The following SVEP1 variants were observed in gnomAD, a reference collection of about 807,000 sequenced individuals.
The protein encoded by SVEP1 is sushi, von Willebrand factor type A, EGF and pentraxin domain containing 1.
Under a neutral mutation model 367.3 loss-of-function variants are expected in SVEP1, and 164 were observed. That is an observed-to-expected ratio of 0.45 (90% CI 0.39 to 0.51). SVEP1 has a LOEUF of 0.51. Among genes scored for constraint, SVEP1 ranks in the 20% least tolerant of loss-of-function variants. SVEP1 has a pLI of 0.00. For synonymous variants in SVEP1, 1,666 were observed against 1,611.6 expected, an observed-to-expected ratio of 1.03 and a Z score of -0.81; for missense variants, 4,117 against 4,425.3, an observed-to-expected ratio of 0.93 and a Z score of 1.98.
chr9:110,387,534 G>GAT, intron 41 of SVEP1, 76 bp from the exon 42 acceptor site: 1 of 1,388,790 alleles, frequency 7.2e-7, no homozygotes, highest in East Asian at 2.4e-5. Context: ...GATTGCCAAA[G>GAT]ATATTTCATG....
intron 30 of SVEP1, among the ~76,000 whole-genome samples, chr9:110,433,188 C>A (rs1181251762): frequency 6.6e-6 from 1 of 152,282 alleles, no homozygotes; most frequent in East Asian, 1.9e-4. Context: ...GCCGGCAGAA[C>A]TGTGAGCCAA....
intron 40 of SVEP1, among the ~76,000 whole-genome samples, chr9:110,390,581 T>C (rs1383627811): frequency 6.6e-6 from 1 of 151,530 alleles, no homozygotes; most frequent in African/African-American, 2.4e-5. Flanking sequence ...GATCTTGGTC[T>C]AGCAATATAT....
intron 22 of SVEP1, among the ~76,000 whole-genome samples, chr9:110,453,966 T>C (rs960011956): frequency 1.3e-5 from 2 of 152,070 alleles, no homozygotes; most frequent in Non-Finnish European, 2.9e-5. Context: ...TGATTAGCGA[T>C]GATGAGCTTT....
intron 41 of SVEP1, among the ~76,000 whole-genome samples, chr9:110,388,614 G>A (rs1827563814): frequency 6.6e-6 from 1 of 151,742 alleles, no homozygotes; most frequent in African/African-American, 2.4e-5. Flanking sequence ...AGTTGAGTAT[G>A]CTGAGATCAC....
intron 46 of SVEP1, among the ~76,000 whole-genome samples, chr9:110,373,425 C>G (rs915107105): frequency 3.3e-5 from 5 of 152,120 alleles, no homozygotes; most frequent in Non-Finnish European, 7.3e-5. Flanking sequence ...CTCTTTTACT[C>G]TCAAAAATGT....
chr9:110,386,564 TCA>T (rs1284955420), intron 42 of SVEP1, among the ~76,000 whole-genome samples: 1 of 152,070 alleles, frequency 6.6e-6, no homozygotes, highest in Non-Finnish European at 1.5e-5. Context: ...GACTTTAGAC[TCA>T]TACTGCTATG....
In SVEP1 at chr9:110,476,261, G is replaced by T; in HGVS notation, c.2542C>A (p.Leu848Met). ...EDIDCRLEEN[L>M]TKKYCLEYNY... ...TATTCTAGGCAATATTTTTTGGTCA[G>T]GTTCTCCTCCAGTCTGCAGTCAATG... is the stretch of plus-strand genomic sequence containing the variant. Residue 848 changes from leucine (L) to methionine (M), a missense_variant, in exon 14 of 48, where the codon CTG becomes ATG. Coordinates refer to ENST00000374469, the MANE Select transcript of SVEP1 (RefSeq NM_153366.4). 6.2e-7 allele frequency: 1 copy of T among 1,613,384 alleles called. No individual in the cohort carries two copies. The highest frequency in any genetic ancestry group is 1.1e-5 in the South Asian group (1 of 91,022).
chr9:110,469,153 A>G (rs1029609932), intron 16 of SVEP1, 52 bp from the exon 17 acceptor site: 3 of 1,519,558 alleles, frequency 2.0e-6, no homozygotes, highest in Non-Finnish European at 2.7e-6. Context: ...GGTGGAACAC[A>G]CTGGGCTTTT....
At chr9:110,490,475 A>G (rs915767207) in intron 8 of SVEP1, among the ~76,000 whole-genome samples, 1 of 151,992 alleles carries the variant, frequency 6.6e-6, no homozygotes, top group African/African-American at 2.4e-5. Flanking sequence ...CTCTTCTCTT[A>G]TCTCTCCCTC....
intron 21 of SVEP1, 138 bp from the exon 22 acceptor site, chr9:110,455,841 C>T: frequency 5.7e-6 from 3 of 526,100 alleles, no homozygotes; most frequent in Non-Finnish European, 9.7e-6. Flanking sequence ...TCATTAAGTG[C>T]TACCATCTAT....
In SVEP1 at chr9:110,408,790, G is replaced by T; in HGVS notation, c.6810C>A (p.Ile2270=). ...TTTCTCCTTTCATGAAGCCATTCTG[G>T]ATCGGGGGAGGTTTTCCACAGTCGA... ...VPLDCGKPPP[I]QNGFMKGENF... is the part of the protein sequence containing the mutation. Residue 2270 remains isoleucine (I), a synonymous_variant, in exon 38 of 48, where the codon ATC becomes ATA. Transcript: ENST00000374469. 1.2e-6 allele frequency: 2 copies of T among 1,613,190 alleles called. No individual in the cohort carries two copies. Among genetic ancestry groups the T allele is most frequent in the Non-Finnish European group, 1.7e-6 (2 of 1,179,890 alleles).
chr9:110,455,922 T>G (rs1828769914), intron 21 of SVEP1, among the ~76,000 whole-genome samples: 2 of 152,214 alleles, frequency 1.3e-5, no homozygotes, highest in Non-Finnish European at 2.9e-5. Context: ...ACATAGGAGA[T>G]AGCAAAAGAT....
chr9:110,401,703 C>T (rs1348914957), intron 39 of SVEP1, among the ~76,000 whole-genome samples: 2 of 151,438 alleles, frequency 1.3e-5, no homozygotes, highest in East Asian at 2.0e-4. Context: ...GTTTTCATTA[C>T]CCAGAAAGAT....
Position 110,404,387 on chromosome 9 carries a change from T to G in SVEP1, c.9606A>C (p.Gln3202His). ...VHGDDFSVNR[Q>H]VSVSCAEGYT... ...ACCCTTCTGCACATGACACAGAAAC[T>G]TGCCTATTCACACTGAAATCGTCCC... The change falls in exon 39 of 48, where the codon CAA (glutamine) becomes CAC (histidine). Residue 3202 changes from glutamine (Q) to histidine (H), a missense_variant. Gln to His is a conservative substitution (Grantham distance 24, BLOSUM62 0). Around this residue, in one of 4 missense-constraint regions of SVEP1, gnomAD observed 1,765 missense variants for 1,781.1 expected, o/e 0.99. Coordinates refer to ENST00000374469, the MANE Select transcript of SVEP1 (RefSeq NM_153366.4). The G allele has an allele frequency of 6.2e-7, 1 of 1,613,986 alleles. No individual in the cohort carries two copies.
chr9:110,469,786 G>A (rs373313194), intron 16 of SVEP1, among the ~76,000 whole-genome samples: 1 of 152,286 alleles, frequency 6.6e-6, no homozygotes, highest in East Asian at 1.9e-4. Context: ...CTAGGATGGG[G>A]CCTGAGTCAA....
In SVEP1 at chr9:110,446,944, C is replaced by T; in HGVS notation, c.4217G>A (p.Ser1406Asn). 6.5e-7 allele frequency: 1 copy of T among 1,544,312 alleles called. No homozygotes were observed. Among genetic ancestry groups the T allele is most frequent in the Non-Finnish European group, 8.7e-7 (1 of 1,144,278 alleles). ...TGAAAATCCTGGCTGACATTTACAA[C>T]TGTATGAATTTAATTCATCCACACA... is the stretch of plus-strand genomic sequence containing the variant. ...ATCVDELNSY[S>N]CKCQPGFSGK... Residue 1406 changes from serine (S) to asparagine (N), a missense_variant, in exon 25 of 48, where the codon AGT becomes AAT. Transcript: ENST00000374469.
chr9:110,389,171 G>A (rs1588026255), intron 41 of SVEP1, among the ~76,000 whole-genome samples: 1 of 152,030 alleles, frequency 6.6e-6, no homozygotes, highest in South Asian at 2.1e-4. Context: ...GTATTGGCTA[G>A]TACTGTCACC....
Position 110,482,453 on chromosome 9 carries a change from T to G in SVEP1, c.2078A>C (p.Asp693Ala). ...LVITRSHTQG[D>A]LFPQGETIVQ... ...TATAGTCTCCCCTTGAGGGAAAAGGTCTCCTTGTGTATGACTTCTGGTAAT... is the reference window on the plus strand; with the variant it reads ...TATAGTCTCCCCTTGAGGGAAAAGGGCTCCTTGTGTATGACTTCTGGTAAT... Residue 693 changes from aspartate (D) to alanine (A), a missense_variant, in exon 11 of 48, where the codon GAC becomes GCC. Around this residue, in one of 4 missense-constraint regions of SVEP1, gnomAD observed 2,174 missense variants for 2,494.3 expected, o/e 0.87. Transcript: ENST00000374469. The G allele has an allele frequency of 1.3e-6, 2 of 1,591,154 alleles. No individual in the cohort carries two copies. Among genetic ancestry groups the G allele is most frequent in the Non-Finnish European group, 1.7e-6 (2 of 1,167,572 alleles).
chr9:110,493,541 G>T (rs1162025812), intron 8 of SVEP1, among the ~76,000 whole-genome samples: 1 of 152,000 alleles, frequency 6.6e-6, no homozygotes, highest in Non-Finnish European at 1.5e-5. Context: ...AGACCAGGCT[G>T]GCCAACATGG....
Sources: gnomAD v4.1 joint callset for allele counts (sites outside exome capture counted in the v4.1 genomes callset) on GRCh38, gnomAD v4.1.1 for gene constraint, gnomAD v4.1.1 regional missense constraint, MANE v1.5 for transcripts, NCBI Gene and HGNC (gene_info 2026-07-23, HGNC 2026-07-21) for gene names.